ZFPM2: variants seen among roughly 807,000 people sequenced by gnomAD.
ZFPM2 encodes the protein zinc finger protein ZFPM2.
Under a neutral mutation model 98.6 loss-of-function variants are expected in ZFPM2, and 20 were observed. The observed-to-expected ratio is 0.20, with a 90% confidence interval of 0.14 to 0.29. The LOEUF (loss-of-function observed/expected upper bound fraction) is 0.29, where lower values mean the gene tolerates loss of function less well. ZFPM2 is among the 10% of genes least tolerant of loss of function. The pLI, the probability that ZFPM2 is intolerant of heterozygous loss-of-function variation, is 1.00. For synonymous variants in ZFPM2, 518 were observed against 502.7 expected, an observed-to-expected ratio of 1.03 and a Z score of -0.41; for missense variants, 1,310 against 1,388.6, an observed-to-expected ratio of 0.94 and a Z score of 0.90.
chr8:105,509,092 T>C (rs976019889), intron 3 of ZFPM2, among the ~76,000 whole-genome samples: 7 of 152,112 alleles, frequency 4.6e-5, no homozygotes, highest in African/African-American at 1.7e-4. Flanking sequence ...CAGCAACAAT[T>C]GATAGGAGAT....
Position 105,422,118 on chromosome 8 carries a change from G to A in ZFPM2, c.199+2816G>A, listed in dbSNP as rs563031040. On this transcript the variant is annotated intron_variant, in intron 2 of 7. Coordinates refer to ENST00000407775, the MANE Select transcript of ZFPM2 (RefSeq NM_012082.4). ...CAATGCCAGTGTCATTACTGGAAAA[G>A]CAAATAAGACATGTTCCTCTGAAGA... Among the ~76,000 whole-genome samples, 27 of 148,396 alleles carry A rather than the reference G, an allele frequency of 1.8e-4. 1 individual carries two copies. Among genetic ancestry groups the A allele is most frequent in the African/African-American group, 6.2e-4 (25 of 40,202 alleles).
At chr8:105,762,467 C>G (rs1424940253) in intron 5 of ZFPM2, among the ~76,000 whole-genome samples, 2 of 151,848 alleles carry the variant, frequency 1.3e-5, no homozygotes, top group East Asian at 3.9e-4. Flanking sequence ...TCTGTCCTCT[C>G]AAACCTTCAT....
chr8:105,465,604 A>G (rs1812783171), intron 3 of ZFPM2, among the ~76,000 whole-genome samples: 2 of 152,022 alleles, frequency 1.3e-5, no homozygotes, highest in South Asian at 2.1e-4. Flanking sequence ...GTTGAGCTAC[A>G]TAGTAACATA....
intron 2 of ZFPM2, among the ~76,000 whole-genome samples, chr8:105,424,684 CAT>C (rs1563652408): frequency 6.6e-6 from 1 of 152,136 alleles, no homozygotes; most frequent in Non-Finnish European, 1.5e-5. Context: ...TGAAAGCAAA[CAT>C]AATCAGATAC....
intron 4 of ZFPM2, among the ~76,000 whole-genome samples, chr8:105,610,873 G>A (rs1287359750): frequency 6.6e-6 from 1 of 152,172 alleles, no homozygotes; most frequent in African/African-American, 2.4e-5. Context: ...AGACTGTCTG[G>A]AGCAGCTGCT....
chr8:105,707,704 A>T (rs1811295924), intron 5 of ZFPM2, among the ~76,000 whole-genome samples: 1 of 152,240 alleles, frequency 6.6e-6, no homozygotes, highest in Admixed American at 6.5e-5. Context: ...TAGTCAGGTG[A>T]CATTGTTTTG....
intron 4 of ZFPM2, among the ~76,000 whole-genome samples, chr8:105,580,068 C>T (rs1269513140): frequency 6.6e-6 from 1 of 152,154 alleles, no homozygotes; most frequent in Non-Finnish European, 1.5e-5. Flanking sequence ...TATCTATCTA[C>T]TACTCATCAA....
At chr8:105,443,314 A>AAAAAAAT in intron 2 of ZFPM2, among the ~76,000 whole-genome samples, 1 of 148,234 alleles carries the variant, frequency 6.7e-6, no homozygotes. Context: ...CTCCTTCTCA[A>AAAAAAAT]AAAACAAAAA....
At chr8:105,554,929 C>A (rs756920297) in intron 3 of ZFPM2, among the ~76,000 whole-genome samples, 6 of 152,024 alleles carry the variant, frequency 3.9e-5, no homozygotes, top group Non-Finnish European at 8.8e-5. Context: ...AATACAATGT[C>A]TTGATAGCAC....
intron 4 of ZFPM2, among the ~76,000 whole-genome samples, chr8:105,587,102 C>G (rs1391496839): frequency 6.6e-6 from 1 of 151,138 alleles, no homozygotes; most frequent in African/African-American, 2.4e-5. Context: ...CGGTGAAACC[C>G]CGTCTCTACT....
chr8:105,716,471 A>G (rs1282025196), intron 5 of ZFPM2, among the ~76,000 whole-genome samples: 1 of 152,040 alleles, frequency 6.6e-6, no homozygotes, highest in Non-Finnish European at 1.5e-5. Flanking sequence ...TGTCTGTGTT[A>G]TATACGTGTG....
intron 3 of ZFPM2, among the ~76,000 whole-genome samples, chr8:105,464,251 T>C (rs1812755052): frequency 6.6e-6 from 1 of 152,022 alleles, no homozygotes; most frequent in South Asian, 2.1e-4. Flanking sequence ...TCCTCCTGTG[T>C]TTTCAAAAAA....
chr8:105,342,033 T>C (rs1812439452), intron 1 of ZFPM2, among the ~76,000 whole-genome samples: 1 of 152,070 alleles, frequency 6.6e-6, no homozygotes, highest in South Asian at 2.1e-4. Flanking sequence ...AAACTCCAGT[T>C]GCATAAAGGA....
intron 1 of ZFPM2, among the ~76,000 whole-genome samples, chr8:105,338,894 G>T (rs973453014): frequency 1.3e-5 from 2 of 151,752 alleles, no homozygotes; most frequent in Non-Finnish European, 2.9e-5. Context: ...ACAAATTAAA[G>T]AAACAAATTG....
At chr8:105,752,973 A>G (rs1052868260) in intron 5 of ZFPM2, among the ~76,000 whole-genome samples, 1 of 152,122 alleles carries the variant, frequency 6.6e-6, no homozygotes, top group African/African-American at 2.4e-5. Context: ...TCCCTTTCTC[A>G]CTGCATAAAA....
chr8:105,441,702 T>C (rs1305798485), intron 2 of ZFPM2, among the ~76,000 whole-genome samples: 1 of 152,084 alleles, frequency 6.6e-6, no homozygotes, highest in Admixed American at 6.5e-5. Flanking sequence ...ATGACATTAG[T>C]TCAGTACTTA....
intron 1 of ZFPM2, among the ~76,000 whole-genome samples, chr8:105,417,129 G>C (rs1811694057): frequency 1.3e-5 from 2 of 152,102 alleles, no homozygotes; most frequent in South Asian, 4.1e-4. Flanking sequence ...AGTGTGGGTA[G>C]CTGAGCCAGA....
chr8:105,774,999 C>G (rs1813065895), intron 5 of ZFPM2, among the ~76,000 whole-genome samples: 1 of 151,398 alleles, frequency 6.6e-6, no homozygotes, highest in Middle Eastern at 3.4e-3. Context: ...TGGATCCACC[C>G]AGCCCTTCAC....
At chr8:105,789,023 C>T in intron 6 of ZFPM2, 99 bp downstream of exon 6, 1 of 939,256 alleles carries the variant, frequency 1.1e-6, no homozygotes, top group South Asian at 2.3e-5. Flanking sequence ...GACCTTTTTC[C>T]TTCAGTGTTG....
Sources: allele counts gnomAD v4.1 joint callset (sites outside exome capture counted in the v4.1 genomes callset), GRCh38; gene constraint gnomAD v4.1.1; transcripts MANE v1.5; gene names NCBI Gene and HGNC (gene_info 2026-07-23, HGNC 2026-07-21).